WNT3: variants seen among roughly 807,000 people sequenced by gnomAD.
WNT3 encodes Wnt family member 3.
In WNT3, 7 loss-of-function variants were observed where a neutral mutation model predicts 34.2. The observed-to-expected ratio is 0.20, with a 90% CI of 0.12 to 0.38. The LOEUF is 0.38. Among genes scored for constraint, WNT3 ranks in the 10% least tolerant of loss-of-function variants. The pLI is 1.00. For missense variants in WNT3, 267 were observed against 499.8 expected (o/e 0.53, Z 4.44); for synonymous variants, 212 against 211.5 (o/e 1.00, Z -0.02).
At chr17:46,776,613 C>G (rs1024227527) in intron 1 of WNT3, among the ~76,000 whole-genome samples, 2 of 152,142 alleles carry the variant, frequency 1.3e-5, no homozygotes, top group African/African-American at 4.8e-5. Context: ...TGCTCTTAAG[C>G]AGCATCTCCA....
At chr17:46,792,257 G>A (rs969167433) in intron 1 of WNT3, among the ~76,000 whole-genome samples, 1 of 152,182 alleles carries the variant, frequency 6.6e-6, no homozygotes, top group Admixed American at 6.5e-5. Context: ...CCTCCAGAGG[G>A]GGGATGACGT....
intron 1 of WNT3, among the ~76,000 whole-genome samples, chr17:46,808,618 GCA>G (rs781748965): frequency 6.6e-6 from 1 of 152,170 alleles, no homozygotes; most frequent in Non-Finnish European, 1.5e-5. Context: ...CATGATGTCT[GCA>G]TGGGGATCAG....
chr17:46,783,417 G>A (rs374818307), intron 1 of WNT3, among the ~76,000 whole-genome samples: 10 of 152,362 alleles, frequency 6.6e-5, no homozygotes, highest in African/African-American at 2.4e-4. Flanking sequence ...ATTGAGTGAT[G>A]ACTCTCAGCC....
intron 1 of WNT3, among the ~76,000 whole-genome samples, chr17:46,800,844 C>T (rs114626176): frequency 0.011 from 1,641 of 152,166 alleles, 26 homozygotes; most frequent in African/African-American, 0.038. Flanking sequence ...TTGCTGGGGC[C>T]GCGGTGCTGA....
chr17:46,774,006 G>A, intron 1 of WNT3, 97 bp from the exon 2 acceptor site: 6 of 1,508,686 alleles, frequency 4.0e-6, no homozygotes, highest in Non-Finnish European at 5.3e-6. Flanking sequence ...GGTAGGTGGA[G>A]AGGCAGAGGG....
intron 1 of WNT3, among the ~76,000 whole-genome samples, chr17:46,802,747 G>A (rs1055011898): frequency 2.6e-5 from 4 of 152,242 alleles, no homozygotes; most frequent in East Asian, 1.9e-4. Context: ...AGCGGAACAC[G>A]TGGAGGTTCC....
chr17:46,772,157 C>T (rs1598758036), intron 2 of WNT3, among the ~76,000 whole-genome samples: 1 of 152,200 alleles, frequency 6.6e-6, no homozygotes, highest in African/African-American at 2.4e-5. Flanking sequence ...GGTCCGGGCT[C>T]TGGGCACCGA....
chr17:46,781,455 T>G (rs1208268034), intron 1 of WNT3, among the ~76,000 whole-genome samples: 1 of 148,230 alleles, frequency 6.7e-6, no homozygotes. Flanking sequence ...AGCTACAACA[T>G]AGAAGAAACT....
chr17:46,768,458 G>A lies in WNT3; in HGVS notation c.930C>T (p.Cys310=), dbSNP rs753462953. 5 of 1,614,032 alleles carry A rather than the reference G, an allele frequency of 3.1e-6. No homozygotes were observed. Among genetic ancestry groups the A allele is most frequent in the South Asian group, 1.1e-5 (1 of 91,088 alleles). ...CNVTSHGIDG[C]DLLCCGRGHN... ...GGCCCCGGCCACAGCAGAGCAGATC[G>A]CAGCCATCGATGCCGTGGGAGGTGA... The change falls in exon 4 of 5, where the codon TGC becomes TGT. Residue 310 remains cysteine, a synonymous_variant. Coordinates refer to ENST00000225512, the MANE Select transcript of WNT3 (RefSeq NM_030753.5). The surrounding 1 kb of genome is among the most constrained non-coding windows in gnomAD (Gnocchi z 5.0).
intron 1 of WNT3, among the ~76,000 whole-genome samples, chr17:46,787,417 G>T (rs1165870275): frequency 6.6e-6 from 1 of 152,136 alleles, no homozygotes; most frequent in African/African-American, 2.4e-5. Context: ...AAAGCTAAGC[G>T]GGACCTTTGA....
chr17:46,792,622 T>G (rs2084001192), intron 1 of WNT3, among the ~76,000 whole-genome samples: 1 of 152,046 alleles, frequency 6.6e-6, no homozygotes, highest in Non-Finnish European at 1.5e-5. Flanking sequence ...TATAGGTGCA[T>G]GCCACCACAC....
rs758115904 is a variant in WNT3 at position 46,773,662 on chromosome 17, C to T, written c.322+6G>A. The T allele has an allele frequency of 3.3e-6, 4 of 1,224,960 alleles. No homozygotes were observed. Among genetic ancestry groups the T allele is most frequent in the East Asian group, 9.7e-5 (2 of 20,570 alleles). 75.9% of individuals were successfully genotyped at this position (1,224,960 alleles called of 1,614,324 possible). A position where few individuals can be genotyped will look rare whatever the true frequency, so the allele number is the denominator to read the frequency against. ...CCCTCCCCCCCCCTCAGCCCCAAGG[C>T]AGTACCTTTGTCGAGGACGGGCCCA... On this transcript the variant is annotated splice_donor_region_variant and intron_variant, in intron 2 of 4. Transcript: ENST00000225512.
At position 46,763,828 on chromosome 17, in the gene WNT3, C is replaced by A. The variant is rs2059289119; in HGVS notation, c.*802G>T. On this transcript the variant is annotated 3_prime_UTR_variant, in exon 5 of 5. Coordinates refer to ENST00000225512, the MANE Select transcript of WNT3 (RefSeq NM_030753.5). Reference sequence around the variant, plus strand: ...ATAGCCTATTTACAAGGTCCACTACCACCAAAAAAAAAAAAAAACAAAAAA... The same window carrying A: ...ATAGCCTATTTACAAGGTCCACTACAACCAAAAAAAAAAAAAAACAAAAAA... The A allele has an allele frequency of 2.8e-5, 1 of 35,424 alleles. No individual in the cohort carries two copies. The highest frequency in any genetic ancestry group is 9.7e-5 in the African/African-American group (1 of 10,268). The allele number at this position is 35,424 out of a possible 1,614,324, so 2.2% of individuals were successfully genotyped here.
chr17:46,793,797 C>T (rs893437062), intron 1 of WNT3, among the ~76,000 whole-genome samples: 4 of 152,198 alleles, frequency 2.6e-5, no homozygotes, highest in African/African-American at 9.6e-5. Context: ...CTCCATGAAT[C>T]CTCTCAACAG....
intron 1 of WNT3, among the ~76,000 whole-genome samples, chr17:46,801,520 T>G (rs1262610918): frequency 6.6e-6 from 1 of 152,106 alleles, no homozygotes; most frequent in Non-Finnish European, 1.5e-5. Flanking sequence ...CTTGGGAGGC[T>G]GGGGCAGGAG....
intron 1 of WNT3, among the ~76,000 whole-genome samples, chr17:46,810,905 G>A (rs969873065): frequency 6.6e-6 from 1 of 151,972 alleles, no homozygotes; most frequent in Admixed American, 6.6e-5. Flanking sequence ...CCCGGAAGCC[G>A]CCCACCTCCT....
chr17:46,789,834 G>A (rs1015211336), intron 1 of WNT3, among the ~76,000 whole-genome samples: 1 of 152,232 alleles, frequency 6.6e-6, no homozygotes, highest in Non-Finnish European at 1.5e-5. Flanking sequence ...GCAGCTGCAG[G>A]TTGGGAGGCC....
At chr17:46,793,459 CTT>C (rs2084014307) in intron 1 of WNT3, among the ~76,000 whole-genome samples, 1 of 152,036 alleles carries the variant, frequency 6.6e-6, no homozygotes, top group South Asian at 2.1e-4. Context: ...GCCTATCAGT[CTT>C]TTTTCTTTCG....
chr17:46,770,134 G>T, intron 2 of WNT3, 86 bp from the exon 3 acceptor site: 1 of 1,451,358 alleles, frequency 6.9e-7, no homozygotes, highest in Non-Finnish European at 9.1e-7. Context: ...AGGACGTGAG[G>T]GGAACGAGGC....
Sources: gnomAD v4.1 joint callset for allele counts (sites outside exome capture counted in the v4.1 genomes callset) on GRCh38, gnomAD v4.1.1 for gene constraint, Gnocchi (gnomAD v3.1) non-coding constraint, MANE v1.5 for transcripts, NCBI Gene and HGNC (gene_info 2026-07-23, HGNC 2026-07-21) for gene names.